The following KLHL5 variants were observed in gnomAD, a reference collection of about 807,000 sequenced individuals.
The protein encoded by KLHL5 is kelch-like protein 5.
KLHL5 carries 48 observed loss-of-function variants against 77.7 expected under a neutral mutation model. The observed-to-expected ratio is 0.62, with a 90% CI of 0.49 to 0.79. The LOEUF is 0.79. Ranked by LOEUF, KLHL5 falls within the 30% of genes least tolerant of loss-of-function variation. KLHL5 has a pLI of 0.00. For missense variants in KLHL5, 723 were observed against 859.7 expected (o/e 0.84, Z 1.99); for synonymous variants, 260 against 297.0 (o/e 0.88, Z 1.28).
intron 10 of KLHL5, chr4:39,115,869 C>T: frequency 1.0e-6 from 1 of 995,166 alleles, no homozygotes; most frequent in Non-Finnish European, 1.2e-6. Context: ...GGGTCTAGCA[C>T]TTCTAAAAAT....
chr4:39,134,858 G>A, the KLHL5 span, among the ~76,000 whole-genome samples: 919 of 152,326 alleles, frequency 6.0e-3, 6 homozygotes, highest in Non-Finnish European at 9.3e-3. Context: ...GAATGGAAAT[G>A]AGAGCATGAG....
chr4:39,080,983 A>T, intron 2 of KLHL5, 120 bp from the exon 3 acceptor site: 1 of 931,054 alleles, frequency 1.1e-6, no homozygotes, highest in Non-Finnish European at 1.5e-6. Context: ...TGTCAAGCTT[A>T]AAATGCATTT....
downstream of KLHL5, among the ~76,000 whole-genome samples, chr4:39,128,044 A>C (rs1723626036): frequency 6.6e-6 from 1 of 152,196 alleles, no homozygotes; most frequent in Non-Finnish European, 1.5e-5. Context: ...CTTTCTGATC[A>C]ATAAGGCATT....
chr4:39,096,013 C>T (rs1721033339), intron 5 of KLHL5, among the ~76,000 whole-genome samples: 1 of 151,814 alleles, frequency 6.6e-6, no homozygotes, highest in Non-Finnish European at 1.5e-5. Flanking sequence ...CAATGGAGAA[C>T]CAAGCACAAA....
intron 1 of KLHL5, 131 bp downstream of exon 1, chr4:39,063,166 G>T (rs1488051360): frequency 8.3e-6 from 5 of 604,182 alleles, no homozygotes; most frequent in African/African-American, 3.8e-5. Context: ...TAATATCTTG[G>T]TATGAACATG....
intron 5 of KLHL5, among the ~76,000 whole-genome samples, chr4:39,088,068 T>TAAA (rs1429770806): frequency 1.3e-5 from 2 of 152,208 alleles, no homozygotes; most frequent in Non-Finnish European, 2.9e-5. Context: ...AAAAGGGAGT[T>TAAA]ACATTTTTAC....
chr4:39,078,229 T>C (rs1392369379), intron 2 of KLHL5, among the ~76,000 whole-genome samples: 1 of 151,478 alleles, frequency 6.6e-6, no homozygotes. Flanking sequence ...TTACTAAAAA[T>C]ACAAAAATTA....
At chr4:39,103,603 C>A in intron 7 of KLHL5, 92 bp downstream of exon 7, 2 of 970,786 alleles carry the variant, frequency 2.1e-6, no homozygotes, top group South Asian at 1.4e-5. Flanking sequence ...GTGTGGCAGC[C>A]ACTGCGTCAG....
chr4:39,098,678 C>T (rs965879019), intron 6 of KLHL5, among the ~76,000 whole-genome samples: 2 of 152,066 alleles, frequency 1.3e-5, no homozygotes, highest in Admixed American at 1.3e-4. Flanking sequence ...ATTCTCCTGC[C>T]TCAGCCTCCC....
chr4:39,046,859 C>T (rs1045829319), intron 1 of KLHL5, among the ~76,000 whole-genome samples: 1 of 152,114 alleles, frequency 6.6e-6, no homozygotes, highest in Non-Finnish European at 1.5e-5. Context: ...GTCACTTGAT[C>T]CATTTATAAC....
chr4:39,051,670 C>T (rs1426525488), intron 1 of KLHL5, among the ~76,000 whole-genome samples: 1 of 151,676 alleles, frequency 6.6e-6, no homozygotes, highest in Non-Finnish European at 1.5e-5. Flanking sequence ...AGGAAGCTCA[C>T]ACTAGGTGGT....
chr4:39,126,416 G>A (rs574445646), downstream of KLHL5, among the ~76,000 whole-genome samples: 1 of 152,182 alleles, frequency 6.6e-6, no homozygotes, highest in South Asian at 2.1e-4. Flanking sequence ...AGAGTACCGT[G>A]TTTTTTTGTA....
intron 10 of KLHL5, among the ~76,000 whole-genome samples, chr4:39,118,978 T>G (rs547613531): frequency 1.4e-4 from 22 of 152,282 alleles, no homozygotes; most frequent in African/African-American, 5.1e-4. Context: ...AAGATTTCAT[T>G]GGAAATTAGA....
At position 39,124,009 on chromosome 4, in the gene KLHL5, A is replaced by G. The variant is rs951318289; in HGVS notation, c.*2943A>G. ...CAATGTTGCAGGTTGCAAGATCAAC[A>G]CACAAAAGTCTAAGAAAAACCTGAG... On this transcript the variant is annotated 3_prime_UTR_variant, in exon 11 of 11. Coordinates refer to ENST00000504108, the MANE Select transcript of KLHL5 (RefSeq NM_015990.5). 1.1e-4 allele frequency among the ~76,000 whole-genome samples: 17 copies of G among 152,350 alleles called. No individual in the cohort carries two copies. Among genetic ancestry groups the G allele is most frequent in the Middle Eastern group, 3.4e-3 (1 of 294 alleles).
chr4:39,091,675 CTT>C (rs768659763), intron 5 of KLHL5, among the ~76,000 whole-genome samples: 14 of 140,928 alleles, frequency 9.9e-5, no homozygotes, highest in Non-Finnish European at 7.8e-5. Flanking sequence ...ACTAAAACAA[CTT>C]TTTTTTTTTT....
chr4:39,054,083 C>A (rs915496292), intron 1 of KLHL5, among the ~76,000 whole-genome samples: 1 of 152,140 alleles, frequency 6.6e-6, no homozygotes, highest in African/African-American at 2.4e-5. Context: ...GCCTTACTTG[C>A]TTTTAGTTTG....
In KLHL5 at chr4:39,115,291, T is replaced by G. The variant is rs3733276; in HGVS notation, c.2034T>G (p.Thr678=). The change falls in exon 10 of 11, where the codon ACT becomes ACG. Residue 678 remains threonine, a synonymous_variant. Coordinates refer to ENST00000504108, the MANE Select transcript of KLHL5 (RefSeq NM_015990.5). ...GGYDGQAYLN[T]VEAYDPQTNE... ...ATGATGGACAGGCATACCTTAATACTGTGGAGGCTTATGATCCCCAGACAA... is the reference window on the plus strand; with the variant it reads ...ATGATGGACAGGCATACCTTAATACGGTGGAGGCTTATGATCCCCAGACAA... The G allele has an allele frequency of 6.2e-7, 1 of 1,613,484 alleles. No homozygotes were observed. The highest frequency in any genetic ancestry group is 2.2e-5 in the East Asian group (1 of 44,822).
At chr4:39,080,007 C>T (rs1446598173) in intron 2 of KLHL5, among the ~76,000 whole-genome samples, 1 of 152,064 alleles carries the variant, frequency 6.6e-6, no homozygotes, top group Non-Finnish European at 1.5e-5. Context: ...AAATGTTAGT[C>T]TTATACAATG....
chr4:39,101,126 T>TATATATA (rs1553892884), intron 6 of KLHL5, among the ~76,000 whole-genome samples: 13 of 134,844 alleles, frequency 9.6e-5, no homozygotes, highest in African/African-American at 3.6e-4. Flanking sequence ...TATTTGGATT[T>TATATATA]TATATATATA....
Sources: allele counts gnomAD v4.1 joint callset (sites outside exome capture counted in the v4.1 genomes callset), GRCh38; gene constraint gnomAD v4.1.1; transcripts MANE v1.5; gene names NCBI Gene and HGNC (gene_info 2026-07-23, HGNC 2026-07-21).